Variants in DMD observed in about 807,000 individuals in gnomAD.
DMD encodes the protein mutant dystrophin.
In DMD, 63 loss-of-function variants were observed where a neutral mutation model predicts 330.1. That is an observed-to-expected ratio of 0.19 (90% CI 0.16 to 0.24). The LOEUF (loss-of-function observed/expected upper bound fraction) is 0.24. DMD is among the 10% of genes least tolerant of loss of function. DMD has a pLI of 1.00. For synonymous variants in DMD, 1,223 were observed against 959.8 expected, an observed-to-expected ratio of 1.27 and a Z score of -5.07; for missense variants, 3,344 against 2,684.1, an observed-to-expected ratio of 1.25 and a Z score of -5.43.
At chrX:32,257,527 T>C (rs1399247400) in intron 43 of DMD, among the ~76,000 whole-genome samples, 1 of 111,391 alleles carries the variant, frequency 9.0e-6, no homozygotes, top group African/African-American at 3.3e-5. Context: ...TCTACAACCA[T>C]CTGATCTTTG....
chrX:31,177,707 T>C (rs1333465606), intron 71 of DMD, among the ~76,000 whole-genome samples: 2 of 109,339 alleles, frequency 1.8e-5, no homozygotes, highest in East Asian at 5.7e-4. Context: ...TTTCACCTGG[T>C]GGAGGAACCA....
At chrX:31,745,886 T>A (rs112018596) in intron 51 of DMD, among the ~76,000 whole-genome samples, 1 of 109,108 alleles carries the variant, frequency 9.2e-6, no homozygotes, top group East Asian at 2.8e-4. Flanking sequence ...AGGATTATTA[T>A]CAGTGATAAG....
chrX:31,701,031 A>G (rs1480907039), intron 52 of DMD, among the ~76,000 whole-genome samples: 1 of 112,409 alleles, frequency 8.9e-6, no homozygotes, highest in East Asian at 2.8e-4. Flanking sequence ...AAGCGAAGCT[A>G]AAGGGGACCA....
intron 1 of DMD, among the ~76,000 whole-genome samples, chrX:33,089,626 C>T (rs1483336618): frequency 1.8e-5 from 2 of 111,503 alleles, no homozygotes; most frequent in Non-Finnish European, 3.8e-5. Context: ...AACTTTGAAT[C>T]AGCCTTGCTA....
At chrX:33,323,529 G>A (rs1486242677) in intron 1 of DMD, among the ~76,000 whole-genome samples, 2 of 111,380 alleles carry the variant, frequency 1.8e-5, no homozygotes, top group Admixed American at 9.6e-5. Flanking sequence ...GAATCAAATC[G>A]TCCTCTTGTT....
At chrX:31,816,814 A>ACACACACACACACACACACACC (rs2092642123) in intron 50 of DMD, among the ~76,000 whole-genome samples, 1 of 99,786 alleles carries the variant, frequency 1.0e-5, no homozygotes, top group African/African-American at 3.5e-5. Flanking sequence ...ACACACACAC[A>ACACACACACACACACACACACC]CACACACAAA....
intron 7 of DMD, among the ~76,000 whole-genome samples, chrX:32,737,117 C>T (rs772637932): frequency 1.8e-4 from 20 of 109,867 alleles, no homozygotes; most frequent in Admixed American, 6.8e-4. Context: ...ATCACCACCA[C>T]CACCACCAAC....
intron 51 of DMD, among the ~76,000 whole-genome samples, chrX:31,739,897 G>T (rs894041121): frequency 2.8e-5 from 3 of 106,608 alleles, no homozygotes; most frequent in South Asian, 4.0e-4. Flanking sequence ...TCTTTGAAAT[G>T]GTAATAATAT....
chrX:32,943,295 G>T (rs186415421), intron 2 of DMD, among the ~76,000 whole-genome samples: 1 of 111,332 alleles, frequency 9.0e-6, no homozygotes, highest in African/African-American at 3.3e-5. Context: ...AATAAGCATT[G>T]TACACTTTTT....
intron 1 of DMD, among the ~76,000 whole-genome samples, chrX:33,070,671 CTCTATA>C (rs1295839263): frequency 2.0e-3 from 87 of 43,979 alleles, no homozygotes; most frequent in East Asian, 0.011. Context: ...CTCTCTCTCT[CTCTATA>C]TATATATATA....
intron 1 of DMD, among the ~76,000 whole-genome samples, chrX:33,236,392 G>A (rs2052484332): frequency 9.2e-6 from 1 of 108,198 alleles, no homozygotes; most frequent in Non-Finnish European, 1.9e-5. Context: ...AGCCTCTCAA[G>A]TAGCTGGGAT....
chrX:31,186,298 C>T (rs753497161), intron 67 of DMD, among the ~76,000 whole-genome samples: 26 of 112,222 alleles, frequency 2.3e-4, no homozygotes, highest in Middle Eastern at 4.6e-3. Flanking sequence ...GGTACATATA[C>T]ACCCTGGAAT....
At chrX:32,111,789 G>T (rs1398827273) in intron 44 of DMD, among the ~76,000 whole-genome samples, 1 of 111,366 alleles carries the variant, frequency 9.0e-6, no homozygotes, top group African/African-American at 3.3e-5. Context: ...AGTTTATTAT[G>T]ATGCTTCAAG....
chrX:33,061,968 T>C (rs1256575371), intron 1 of DMD, among the ~76,000 whole-genome samples: 1 of 112,187 alleles, frequency 8.9e-6, no homozygotes, highest in Non-Finnish European at 1.9e-5. Context: ...TACTGATATG[T>C]AACAAAAATT....
chrX:33,176,233 T>C (rs754869074), intron 1 of DMD, among the ~76,000 whole-genome samples: 1 of 111,564 alleles, frequency 9.0e-6, no homozygotes, highest in South Asian at 3.8e-4. Flanking sequence ...TAGTTTTGCA[T>C]GAATCCCTGT....
intron 45 of DMD, among the ~76,000 whole-genome samples, chrX:31,939,810 AG>A (rs1435762240): frequency 8.9e-6 from 1 of 112,064 alleles, no homozygotes; most frequent in African/African-American, 3.2e-5. Context: ...ACACAGGAGG[AG>A]TACTCAAAAT....
chrX:31,172,618 T>C (rs1208656641), intron 72 of DMD, among the ~76,000 whole-genome samples: 1 of 111,983 alleles, frequency 8.9e-6, no homozygotes, highest in Non-Finnish European at 1.9e-5. Flanking sequence ...ACATTTATGA[T>C]AGAAATTCTA....
intron 44 of DMD, among the ~76,000 whole-genome samples, chrX:32,145,655 C>T (rs768137830): frequency 3.6e-5 from 4 of 111,848 alleles, no homozygotes; most frequent in South Asian, 3.7e-4. Flanking sequence ...AGCCATTTCA[C>T]GCTAATTTAT....
chrX:33,046,607 G>A (rs1288054608), intron 1 of DMD, among the ~76,000 whole-genome samples: 1 of 111,760 alleles, frequency 8.9e-6, no homozygotes, highest in East Asian at 2.8e-4. Flanking sequence ...GACTGACTGG[G>A]GGCTCAAAAT....
Sources: allele counts gnomAD v4.1 joint callset (sites outside exome capture counted in the v4.1 genomes callset), GRCh38; gene constraint gnomAD v4.1.1; transcripts MANE v1.5; gene names NCBI Gene and HGNC (gene_info 2026-07-23, HGNC 2026-07-21).